The following NYAP2 variants were observed in gnomAD, a reference collection of about 807,000 sequenced individuals.
The protein encoded by NYAP2 is neuronal tyrosine-phosphorylated phosphoinositide-3-kinase adaptor 2, also known as neuronal tyrosine-phosphorylated phosphoinositide-3-kinase adapter 2.
A neutral mutation model predicts 50.4 loss-of-function variants in NYAP2; 23 were observed. The observed-to-expected ratio is 0.46, with a 90% CI of 0.33 to 0.65. NYAP2 has a LOEUF of 0.65. NYAP2 is among the 30% of genes least tolerant of loss of function. The pLI, the probability that NYAP2 is intolerant of heterozygous loss-of-function variation, is 0.02. For missense variants in NYAP2, 885 were observed against 861.0 expected (o/e 1.03, Z -0.35); for synonymous variants, 394 against 365.2 (o/e 1.08, Z -0.90).
At chr2:225,644,052 T>A (rs1252721548) in intron 6 of NYAP2, among the ~76,000 whole-genome samples, 1 of 149,080 alleles carries the variant, frequency 6.7e-6, no homozygotes, top group Non-Finnish European at 1.5e-5. Context: ...TAGTTTACAG[T>A]CCCACCAACA....
chr2:225,512,837 C>T (rs1006117948), intron 3 of NYAP2, among the ~76,000 whole-genome samples: 4 of 72,034 alleles, frequency 5.6e-5, no homozygotes, highest in African/African-American at 1.3e-4. Context: ...CTCTCTCTCT[C>T]TTTCTTTCTT....
At chr2:225,488,924 C>T (rs1253501100) in intron 3 of NYAP2, among the ~76,000 whole-genome samples, 1 of 152,062 alleles carries the variant, frequency 6.6e-6, no homozygotes, top group Non-Finnish European at 1.5e-5. Context: ...TGCTCAAAAC[C>T]ACATAGTAAA....
chr2:225,567,375 C>T (rs567027240), intron 4 of NYAP2, among the ~76,000 whole-genome samples: 1 of 152,048 alleles, frequency 6.6e-6, no homozygotes, highest in African/African-American at 2.4e-5. Context: ...GATTTGAAAA[C>T]TTTGAATCAT....
chr2:225,400,004 G>T (rs2106113486), exon 1 of NYAP2: 1 of 152,146 alleles, frequency 6.6e-6, no homozygotes, highest in South Asian at 2.1e-4. Context: ...CTTCAGCTCA[G>T]TTAGATAAAA....
At chr2:225,489,553 A>G (rs1409345041) in intron 3 of NYAP2, among the ~76,000 whole-genome samples, 3 of 152,178 alleles carry the variant, frequency 2.0e-5, no homozygotes, top group Non-Finnish European at 4.4e-5. Flanking sequence ...ATAAGACAAT[A>G]GATTCCTGTT....
At chr2:225,488,617 C>T (rs1192234676) in intron 3 of NYAP2, among the ~76,000 whole-genome samples, 1 of 152,196 alleles carries the variant, frequency 6.6e-6, no homozygotes, top group Non-Finnish European at 1.5e-5. Context: ...CAAATGATCG[C>T]CCACCTTGGC....
At chr2:225,429,937 G>GAC (rs376323618) in intron 3 of NYAP2, among the ~76,000 whole-genome samples, 2 of 152,314 alleles carry the variant, frequency 1.3e-5, no homozygotes, top group South Asian at 4.1e-4. Flanking sequence ...CTCTTAAGCA[G>GAC]ACACACACAC....
At chr2:225,543,047 T>C (rs953470083) in intron 4 of NYAP2, among the ~76,000 whole-genome samples, 2 of 152,074 alleles carry the variant, frequency 1.3e-5, no homozygotes, top group Non-Finnish European at 2.9e-5. Context: ...AATTTATTGG[T>C]CTATTGTTGC....
chr2:225,640,449 G>A (rs1265899132), intron 6 of NYAP2, among the ~76,000 whole-genome samples: 1 of 152,142 alleles, frequency 6.6e-6, no homozygotes, highest in Non-Finnish European at 1.5e-5. Flanking sequence ...GATGACCCCT[G>A]CCTTCAAGGA....
intron 4 of NYAP2, among the ~76,000 whole-genome samples, chr2:225,515,598 A>C (rs538969862): frequency 6.6e-6 from 1 of 152,268 alleles, no homozygotes; most frequent in South Asian, 2.1e-4. Context: ...TTTTTTTAAG[A>C]AACAATGTAT....
chr2:225,510,417 C>T (rs1381849595), intron 3 of NYAP2, among the ~76,000 whole-genome samples: 1 of 152,074 alleles, frequency 6.6e-6, no homozygotes, highest in Admixed American at 6.5e-5. Context: ...TCTTCTACAC[C>T]CACAGAGATT....
intron 4 of NYAP2, among the ~76,000 whole-genome samples, chr2:225,563,305 G>A (rs185617480): frequency 6.6e-6 from 1 of 152,262 alleles, no homozygotes; most frequent in East Asian, 1.9e-4. Flanking sequence ...ATTAAACTAA[G>A]ACTTAGAGGT....
At chr2:225,431,716 A>G (rs1229925920) in intron 3 of NYAP2, among the ~76,000 whole-genome samples, 3 of 152,202 alleles carry the variant, frequency 2.0e-5, no homozygotes, top group African/African-American at 7.2e-5. Context: ...AAATGTCATT[A>G]GCATGTTCCG....
downstream of NYAP2, among the ~76,000 whole-genome samples, chr2:225,657,102 CTTTTTTTTTTTTT>C (rs375126014): frequency 9.9e-6 from 1 of 101,074 alleles, no homozygotes; most frequent in African/African-American, 4.4e-5. Context: ...AATCTAATTC[CTTTTTTTTTTTTT>C]TTTTTTTTTT....
At position 225,582,542 on chromosome 2, in the gene NYAP2, A is replaced by C. The variant is rs773361794; in HGVS notation, c.1125A>C (p.Pro375=). 6.3e-7 allele frequency: 1 copy of C among 1,575,402 alleles called. No homozygotes were observed. The stretch of plus-strand genomic sequence containing the variant: ...AAAACGTGTCTTACATGAAACAGCC[A>C]GCCGGGGCGTCGCCCTCCACGCTGC... Residue 375 remains proline (P), a synonymous_variant, in exon 5 of 7, where the codon CCA becomes CCC. Coordinates refer to ENST00000636099, the Ensembl canonical transcript of NYAP2. This position sits in a 1 kb window ranked among gnomAD's most constrained non-coding sequence, Gnocchi z 7.0.
chr2:225,701,542 A>G, the NYAP2 span: 1 of 151,810 alleles, frequency 6.6e-6, no homozygotes, highest in Non-Finnish European at 1.5e-5. Flanking sequence ...ATTTATTTCA[A>G]TCGCAGAAGC....
chr2:225,600,566 C>A (rs1391144719), intron 5 of NYAP2, among the ~76,000 whole-genome samples: 1 of 152,154 alleles, frequency 6.6e-6, no homozygotes, highest in Non-Finnish European at 1.5e-5. Flanking sequence ...TGAATAAGGA[C>A]AGCTTGAAGG....
intron 3 of NYAP2, among the ~76,000 whole-genome samples, chr2:225,445,360 T>A (rs1437106654): frequency 6.6e-6 from 1 of 151,870 alleles, no homozygotes; most frequent in Non-Finnish European, 1.5e-5. Flanking sequence ...TCTTTTAATT[T>A]TTTAAAGAAT....
Position 225,644,915 on chromosome 2 carries a change from G to A in NYAP2, c.1829-6517G>A, listed in dbSNP as rs543295239. ...TGTTCTTTGGCTTAGGATTGACTTG[G>A]TGATGCAGGCTCTTTTTTGGTTCCA... is the stretch of plus-strand genomic sequence containing the variant. On this transcript the variant is annotated intron_variant, in intron 6 of 6. Coordinates refer to ENST00000636099, the Ensembl canonical transcript of NYAP2. Among the ~76,000 whole-genome samples the A allele has an allele frequency of 3.3e-5, 5 of 152,266 alleles. No individual in the cohort carries two copies. In the East Asian group the frequency reaches 7.7e-4, roughly 24 times the overall value.
Sources: allele counts gnomAD v4.1 joint callset (sites outside exome capture counted in the v4.1 genomes callset), GRCh38; gene constraint gnomAD v4.1.1; non-coding constraint Gnocchi (gnomAD v3.1); transcripts MANE v1.5; gene names NCBI Gene and HGNC (gene_info 2026-07-23, HGNC 2026-07-21).